The following CHST15 variants were observed in gnomAD, a reference collection of about 807,000 sequenced individuals.
CHST15 encodes the protein carbohydrate sulfotransferase 15, also known as B cell RAG associated protein (GALNAC4S-6ST).
A neutral mutation model predicts 53.6 loss-of-function variants in CHST15; 30 were observed. The ratio of observed to expected loss-of-function variants is 0.56; its 90% CI spans 0.42 to 0.76. CHST15 has a LOEUF of 0.76. Among genes scored for constraint, CHST15 ranks in the 30% least tolerant of loss-of-function variants. The pLI, the probability that CHST15 is intolerant of heterozygous loss-of-function variation, is 0.00. For missense variants in CHST15, 627 were observed against 740.5 expected, an observed-to-expected ratio of 0.85 and a Z score of 1.78; for synonymous variants, 296 against 289.8, an observed-to-expected ratio of 1.02 and a Z score of -0.22.
intron 5 of CHST15, among the ~76,000 whole-genome samples, chr10:124,035,386 CG>C (rs1400344770): frequency 1.3e-5 from 2 of 148,808 alleles, no homozygotes. Flanking sequence ...ACCCTGGCTC[CG>C]CCCCCTAACA....
chr10:124,029,872 C>T (rs940799419), intron 5 of CHST15, among the ~76,000 whole-genome samples: 1 of 152,180 alleles, frequency 6.6e-6, no homozygotes, highest in South Asian at 2.1e-4. Flanking sequence ...ACTGTGGCTG[C>T]CCCAGGGTCG....
At position 124,036,042 on chromosome 10, in the gene CHST15, G is replaced by A. The variant is rs924123950; in HGVS notation, c.1190+2473C>T. Among the ~76,000 whole-genome samples the A allele has an allele frequency of 2.0e-5, 3 of 152,254 alleles. No homozygotes were observed. Among genetic ancestry groups the A allele is most frequent in the Non-Finnish European group, 2.9e-5 (2 of 68,054 alleles). ...CACTCTCGGCCCCTGAGGTTAAGGC[G>A]TGGTCTGACCTTTCTCAGAATGAGG... On this transcript the variant is annotated intron_variant, in intron 5 of 7. Coordinates refer to ENST00000435907, the MANE Select transcript of CHST15 (RefSeq NM_001270764.2). This position sits in a 1 kb window ranked among gnomAD's most constrained non-coding sequence, Gnocchi z 5.1.
chr10:124,085,296 C>T (rs1949382342), intron 1 of CHST15, among the ~76,000 whole-genome samples: 1 of 152,232 alleles, frequency 6.6e-6, no homozygotes, highest in Admixed American at 6.5e-5. Context: ...CCTGAGTAGA[C>T]GGCTCCGCTT....
intron 5 of CHST15, among the ~76,000 whole-genome samples, chr10:124,037,082 T>C (rs897974177): frequency 6.6e-6 from 1 of 152,154 alleles, no homozygotes; most frequent in Non-Finnish European, 1.5e-5. Flanking sequence ...CCTTGGCTGG[T>C]GGCAGCATCA....
intron 1 of CHST15, among the ~76,000 whole-genome samples, chr10:124,071,036 C>G (rs945957006): frequency 6.6e-6 from 1 of 152,218 alleles, no homozygotes; most frequent in African/African-American, 2.4e-5. Context: ...TGGCGGTGCT[C>G]TCTACCCCAC....
At chr10:124,090,232 T>C (rs1399727618) in intron 1 of CHST15, among the ~76,000 whole-genome samples, 1 of 152,222 alleles carries the variant, frequency 6.6e-6, no homozygotes, top group South Asian at 2.1e-4. Flanking sequence ...CACATTTAAA[T>C]ACCCAGGCTG....
chr10:124,085,716 A>G (rs1276568813), intron 1 of CHST15, among the ~76,000 whole-genome samples: 2 of 152,106 alleles, frequency 1.3e-5, no homozygotes, highest in African/African-American at 4.8e-5. Flanking sequence ...AGTGTGGGAC[A>G]GGGTCAAGGT....
At chr10:124,069,451 G>A (rs755658589) in intron 1 of CHST15, among the ~76,000 whole-genome samples, 6 of 152,110 alleles carry the variant, frequency 3.9e-5, no homozygotes, top group African/African-American at 9.7e-5. Context: ...AAGAATCATC[G>A]GGGCCAGGCT....
In CHST15 at chr10:124,038,606, C is replaced by T. The variant is rs1486381652; in HGVS notation, c.1099G>A (p.Asp367Asn). ...AWTFFYDNSTDGEPPFLTQDF... is the reference protein window; with the variant it reads ...AWTFFYDNSTNGEPPFLTQDF... ...TGCGTCAGAAACGGTGGCTCGCCAT[C>T]CGTGCTGTTGTCGTAGAAGAACGTC... The change falls in exon 5 of 8, where the codon GAT becomes AAT. Residue 367 changes from aspartate (D) to asparagine (N), a missense_variant. Asp to Asn is a conservative substitution (Grantham distance 23, BLOSUM62 1). Transcript: ENST00000435907. 6.2e-7 allele frequency: 1 copy of T among 1,614,126 alleles called. No homozygotes were observed.
chr10:124,068,799 T>C (rs1426455634), intron 1 of CHST15, among the ~76,000 whole-genome samples: 2 of 152,114 alleles, frequency 1.3e-5, no homozygotes, highest in African/African-American at 2.4e-5. Flanking sequence ...CAGAGGAAAA[T>C]AGTGATTTTT....
chr10:124,022,279 G>C (rs921448510), intron 5 of CHST15, among the ~76,000 whole-genome samples: 5 of 152,198 alleles, frequency 3.3e-5, no homozygotes, highest in African/African-American at 7.2e-5. Flanking sequence ...TCTGTGCTAG[G>C]TGCCACGTAA....
At chr10:124,064,751 T>G (rs1352643089) in intron 1 of CHST15, among the ~76,000 whole-genome samples, 1 of 151,270 alleles carries the variant, frequency 6.6e-6, no homozygotes, top group Non-Finnish European at 1.5e-5. Context: ...CAGATCCCAT[T>G]TTCCCCAACA....
chr10:124,046,756 T>C (rs1204064648), intron 1 of CHST15, 32 bp from the exon 2 acceptor site: 1 of 152,384 alleles, frequency 6.6e-6, no homozygotes, highest in African/African-American at 2.4e-5. Flanking sequence ...TTTATTACAT[T>C]GTGTGGTAAT....
In CHST15 at chr10:124,044,831, G is replaced by A. The variant is rs750264072; in HGVS notation, c.635C>T (p.Pro212Leu). 7 of 1,562,844 alleles carry A rather than the reference G, an allele frequency of 4.5e-6. No homozygotes were observed. In the South Asian group the frequency reaches 4.7e-5, roughly 10 times the overall value. Residue 212 changes from proline (P) to leucine (L), a missense_variant, in exon 3 of 8, where the codon CCC becomes CTC. Transcript: ENST00000435907. ...EEFSGQNTTD[P>L]YLTNSYVLYS... ...GAGCACGTAGGAGTTGGTGAGGTAG[G>A]GGTCGGTGGTGTTCTGCCCCGAGAA...
rs1244712688 is a variant in CHST15 at position 124,019,119 on chromosome 10, G to A, written c.1347+2137C>T. On this transcript the variant is annotated intron_variant, in intron 6 of 7. Transcript: ENST00000435907. This position sits in a 1 kb window ranked among gnomAD's most constrained non-coding sequence, Gnocchi z 4.6. ...ACCTGCACCAGGAAAGTGTAGATGT[G>A]GCACGAAATGGGCCTGGCCTGAGTC... Among the ~76,000 whole-genome samples, 1 of 151,272 alleles carries A rather than the reference G, an allele frequency of 6.6e-6. No individual in the cohort carries two copies. Among genetic ancestry groups the A allele is most frequent in the Non-Finnish European group, 1.5e-5 (1 of 67,736 alleles).
At chr10:124,044,547 G>A (rs373791789) in intron 3 of CHST15, 33 bp downstream of exon 3, 9 of 1,451,378 alleles carry the variant, frequency 6.2e-6, no homozygotes, top group Admixed American at 2.7e-5. Flanking sequence ...GAAGGAACGA[G>A]ACCAGACAGG....
intron 6 of CHST15, among the ~76,000 whole-genome samples, chr10:124,015,128 C>T (rs1319918647): frequency 6.6e-6 from 1 of 152,168 alleles, no homozygotes; most frequent in South Asian, 2.1e-4. Flanking sequence ...AGTGTGGTCA[C>T]CTGAAGTGAC....
Position 124,008,228 on chromosome 10 carries a change from T to C in CHST15, c.*1921A>G. 8.2e-7 allele frequency: 1 copy of C among 1,221,880 alleles called. No individual in the cohort carries two copies. The highest frequency in any genetic ancestry group is 1.0e-6 in the Non-Finnish European group (1 of 982,150). 75.7% of individuals were successfully genotyped at this position (1,221,880 alleles called of 1,614,324 possible). A position where few individuals can be genotyped will look rare whatever the true frequency, so the allele number is the denominator to read the frequency against. On this transcript the variant is annotated 3_prime_UTR_variant, in exon 8 of 8. Transcript: ENST00000435907. ...GGAATAGTAAAATATGTACTGAAAA[T>C]GACAAGTTAATTGGCAGAGAAATTA...
chr10:124,072,387 T>C (rs567030245), intron 1 of CHST15, among the ~76,000 whole-genome samples: 1 of 152,252 alleles, frequency 6.6e-6, no homozygotes, highest in East Asian at 1.9e-4. Flanking sequence ...GCTCAGTAAA[T>C]GTCAGCTGCC....
Sources: allele counts gnomAD v4.1 joint callset (sites outside exome capture counted in the v4.1 genomes callset), GRCh38; gene constraint gnomAD v4.1.1; non-coding constraint Gnocchi (gnomAD v3.1); transcripts MANE v1.5; gene names NCBI Gene and HGNC (gene_info 2026-07-23, HGNC 2026-07-21).